WDR72: variants seen among roughly 807,000 people sequenced by gnomAD.
The protein encoded by WDR72 is WD repeat-containing protein 72.
WDR72 carries 120 observed loss-of-function variants against 124.2 expected under a neutral mutation model. That is an observed-to-expected ratio of 0.97 (90% confidence interval 0.83 to 1.12). WDR72 has a LOEUF of 1.12. Ranked by LOEUF, WDR72 falls within the 50% of genes most tolerant of loss-of-function variation. The pLI is 0.00. For missense variants in WDR72, 1,387 were observed against 1,278.8 expected (o/e 1.08, Z -1.29); for synonymous variants, 452 against 441.7 (o/e 1.02, Z -0.29).
chr15:53,710,949 GCCCA>G lies in WDR72; in HGVS notation c.858_861del (p.Gly287PhefsTer42), dbSNP rs1482044597. ...TCAGCAGGGTATATGCTTTTTGAAA[GCCCA>G]CTGCGTGGCAAAAATAAAAAGCAAA... On this transcript the variant is annotated frameshift_variant and splice_region_variant, in exon 9 of 20. Coordinates refer to ENST00000360509, the MANE Select transcript of WDR72 (RefSeq NM_182758.4). LOFTEE classifies it high-confidence loss of function. 1 of 1,613,060 alleles carries G rather than the reference GCCCA, an allele frequency of 6.2e-7. No individual in the cohort carries two copies. The highest frequency in any genetic ancestry group is 1.1e-5 in the South Asian group (1 of 91,066).
intron 18 of WDR72, among the ~76,000 whole-genome samples, chr15:53,523,685 G>C (rs973685341): frequency 6.6e-6 from 1 of 151,998 alleles, no homozygotes; most frequent in African/African-American, 2.4e-5. Flanking sequence ...CATCAGGCTA[G>C]TCAATTAGAA....
At chr15:53,537,685 A>G (rs1484197387) in intron 18 of WDR72, among the ~76,000 whole-genome samples, 1 of 152,162 alleles carries the variant, frequency 6.6e-6, no homozygotes, top group Non-Finnish European at 1.5e-5. Flanking sequence ...AAGTAAATTC[A>G]GTATTATTAT....
chr15:53,538,934 CATT>C (rs764377697), intron 18 of WDR72, among the ~76,000 whole-genome samples: 2 of 151,992 alleles, frequency 1.3e-5, no homozygotes, highest in Non-Finnish European at 2.9e-5. Context: ...CCATGAAACT[CATT>C]AATTTGAACT....
chr15:53,714,411 AAG>A, intron 6 of WDR72, 21 bp downstream of exon 6: 1 of 1,595,812 alleles, frequency 6.3e-7, no homozygotes, highest in Admixed American at 1.7e-5. Context: ...GTAAGGAAAA[AAG>A]AGTAGGGTTC....
intron 11 of WDR72, among the ~76,000 whole-genome samples, chr15:53,704,172 C>G (rs905349968): frequency 6.6e-6 from 1 of 152,124 alleles, no homozygotes; most frequent in African/African-American, 2.4e-5. Flanking sequence ...TCTGCATTGT[C>G]CATAGTAGCT....
At chr15:53,564,772 G>A (rs1174466837) in intron 18 of WDR72, among the ~76,000 whole-genome samples, 1 of 151,776 alleles carries the variant, frequency 6.6e-6, no homozygotes, top group East Asian at 1.9e-4. Flanking sequence ...TTCCAGTCAC[G>A]TGGGTAAGCA....
intron 14 of WDR72, among the ~76,000 whole-genome samples, chr15:53,632,875 T>C (rs1300845127): frequency 6.6e-6 from 1 of 152,266 alleles, no homozygotes; most frequent in Non-Finnish European, 1.5e-5. Flanking sequence ...CCAATGTTTG[T>C]ACCCCCATTG....
intron 18 of WDR72, among the ~76,000 whole-genome samples, chr15:53,538,794 A>G (rs1892902910): frequency 6.6e-6 from 1 of 152,168 alleles, no homozygotes; most frequent in South Asian, 2.1e-4. Context: ...AGAATGAATC[A>G]GATCACTGCA....
chr15:53,667,113 A>G (rs2015805849), intron 13 of WDR72, among the ~76,000 whole-genome samples: 1 of 152,100 alleles, frequency 6.6e-6, no homozygotes, highest in Admixed American at 6.6e-5. Flanking sequence ...GCACTTTTGG[A>G]GCCTGAGGTG....
At chr15:53,578,426 T>C (rs1265672289) in intron 18 of WDR72, among the ~76,000 whole-genome samples, 3 of 152,138 alleles carry the variant, frequency 2.0e-5, no homozygotes, top group African/African-American at 7.2e-5. Context: ...GCCCTTCTCA[T>C]TGTATCCCTG....
intron 17 of WDR72, among the ~76,000 whole-genome samples, chr15:53,606,790 G>A (rs1205217094): frequency 6.6e-6 from 1 of 152,076 alleles, no homozygotes; most frequent in Non-Finnish European, 1.5e-5. Flanking sequence ...TACGTCTTCT[G>A]GAAATAAAAA....
At chr15:53,669,155 C>T (rs886775127) in intron 13 of WDR72, among the ~76,000 whole-genome samples, 2 of 152,022 alleles carry the variant, frequency 1.3e-5, no homozygotes, top group African/African-American at 2.4e-5. Flanking sequence ...TAGTACATGA[C>T]GGCGGGGCTA....
Position 53,751,475 on chromosome 15 carries a change from C to T in WDR72, c.-13+8158G>A, listed in dbSNP as rs115217776. On this transcript the variant is annotated intron_variant, in intron 1 of 19. Transcript: ENST00000360509. ...ATAAAGTACTTTTAATCACAGTATG[C>T]ACATTGTTACTTTAGATATTATATT... Among the ~76,000 whole-genome samples the T allele has an allele frequency of 3.7e-3, 565 of 152,224 alleles. 3 individuals are homozygous for T. The highest frequency in any genetic ancestry group is 0.013 in the African/African-American group (546 of 41,526).
chr15:53,552,851 A>G (rs2220383), intron 18 of WDR72, among the ~76,000 whole-genome samples: 42,534 of 151,936 alleles, frequency 0.28, 6,653 homozygotes, highest in African/African-American at 0.43. Context: ...TTTGGCTTGG[A>G]AAACCTATGA....
intron 13 of WDR72, among the ~76,000 whole-genome samples, chr15:53,683,095 T>C (rs553020683): frequency 3.3e-5 from 5 of 151,182 alleles, no homozygotes; most frequent in African/African-American, 1.2e-4. Context: ...ACTCCCTCAC[T>C]ATCATGAGAA....
chr15:53,633,509 C>T (rs2014509408), intron 14 of WDR72, among the ~76,000 whole-genome samples: 1 of 152,140 alleles, frequency 6.6e-6, no homozygotes, highest in Non-Finnish European at 1.5e-5. Flanking sequence ...TATTGTAATT[C>T]TGGCAATAAA....
intron 14 of WDR72, among the ~76,000 whole-genome samples, chr15:53,648,900 A>ACGCCTGTAATCCCAGC (rs1567004050): frequency 7.5e-5 from 10 of 133,444 alleles, no homozygotes; most frequent in African/African-American, 3.8e-4. Flanking sequence ...AAGCAGAAGA[A>ACGCCTGTAATCCCAGC]ACAAGACAAA....
At chr15:53,521,767 T>C (rs2140207292) in intron 19 of WDR72, among the ~76,000 whole-genome samples, 1 of 152,176 alleles carries the variant, frequency 6.6e-6, no homozygotes, top group Non-Finnish European at 1.5e-5. Context: ...GATTTACCTG[T>C]CTGACAAAAT....
chr15:53,577,239 A>C (rs1566967550), intron 18 of WDR72, among the ~76,000 whole-genome samples: 1 of 152,188 alleles, frequency 6.6e-6, no homozygotes, highest in Non-Finnish European at 1.5e-5. Context: ...ATTTGATTGC[A>C]AATTGAATGT....
Sources: gnomAD v4.1 joint callset for allele counts (sites outside exome capture counted in the v4.1 genomes callset) on GRCh38, gnomAD v4.1.1 for gene constraint, MANE v1.5 for transcripts, NCBI Gene and HGNC (gene_info 2026-07-23, HGNC 2026-07-21) for gene names.